The following LOC400499 variants were observed in gnomAD, a reference collection of about 807,000 sequenced individuals.
At chr16:11,498,477 G>A in the LOC400499 span, among the ~76,000 whole-genome samples, 5 of 148,638 alleles carry the variant, frequency 3.4e-5, no homozygotes, top group African/African-American at 5.0e-5. Flanking sequence ...GCGAGACTCC[G>A]TCTCAAAAAA....
the LOC400499 span, among the ~76,000 whole-genome samples, chr16:11,503,983 T>C: frequency 1.3e-5 from 2 of 152,314 alleles, no homozygotes; most frequent in South Asian, 4.1e-4. Context: ...GTGGCTGCCT[T>C]TCCCCAGCTG....
At chr16:11,428,099 G>A in the LOC400499 span, among the ~76,000 whole-genome samples, 4 of 152,292 alleles carry the variant, frequency 2.6e-5, no homozygotes, top group Non-Finnish European at 5.9e-5. Flanking sequence ...CCCTGAGGGC[G>A]GCTGGTTGCC....
At chr16:11,399,475 G>A in the LOC400499 span, 4 of 399,098 alleles carry the variant, frequency 1.0e-5, no homozygotes, top group South Asian at 1.3e-4. Context: ...ACCTCACCTC[G>A]TAGGTCAAGT....
chr16:11,461,391 T>C, the LOC400499 span, among the ~76,000 whole-genome samples: 1 of 152,162 alleles, frequency 6.6e-6, no homozygotes, highest in Non-Finnish European at 1.5e-5. Context: ...GGCTAATTTT[T>C]GTATTTTTTG....
chr16:11,412,804 C>T, the LOC400499 span: 1 of 398,890 alleles, frequency 2.5e-6, no homozygotes, highest in Non-Finnish European at 4.4e-6. Context: ...TCAATGGTTC[C>T]TCCCCCGACT....
chr16:11,411,497 AC>A, the LOC400499 span, among the ~76,000 whole-genome samples: 1 of 152,194 alleles, frequency 6.6e-6, no homozygotes, highest in Non-Finnish European at 1.5e-5. Flanking sequence ...CAAGGGCCAT[AC>A]GGTGCCCTGG....
At chr16:11,491,565 C>T in the LOC400499 span, 3 of 389,568 alleles carry the variant, frequency 7.7e-6, no homozygotes, top group East Asian at 3.6e-5. Context: ...GGTAGAGAAA[C>T]AGGGGAACAA....
At chr16:11,465,195 C>T in the LOC400499 span, 68 of 152,440 alleles carry the variant, frequency 4.5e-4, no homozygotes, top group African/African-American at 1.5e-3. Flanking sequence ...GGCATGATCT[C>T]GACTCACTGG....
At chr16:11,452,788 C>T in the LOC400499 span, among the ~76,000 whole-genome samples, 2 of 152,196 alleles carry the variant, frequency 1.3e-5, no homozygotes, top group Non-Finnish European at 2.9e-5. Flanking sequence ...CTTCTCCATG[C>T]CCTTCTGTGT....
chr16:11,507,964 C>A, the LOC400499 span, among the ~76,000 whole-genome samples: 1 of 152,004 alleles, frequency 6.6e-6, no homozygotes, highest in Non-Finnish European at 1.5e-5. Flanking sequence ...TGAATGGAAG[C>A]CCCCAAAAAG....
the LOC400499 span, among the ~76,000 whole-genome samples, chr16:11,381,474 G>A: frequency 1.3e-5 from 2 of 152,148 alleles, no homozygotes; most frequent in African/African-American, 4.8e-5. Context: ...CTGATAGATG[G>A]TTTGTAAACA....
the LOC400499 span, among the ~76,000 whole-genome samples, chr16:11,397,936 G>A: frequency 3.3e-5 from 5 of 152,122 alleles, no homozygotes; most frequent in African/African-American, 1.2e-4. Context: ...GTAAAGGAAT[G>A]GATGGATGGG....
the LOC400499 span, among the ~76,000 whole-genome samples, chr16:11,507,094 T>C: frequency 6.7e-5 from 10 of 149,330 alleles, no homozygotes; most frequent in South Asian, 1.1e-3. Flanking sequence ...GCCCTTGCCC[T>C]GAGCCACCCC....
At chr16:11,415,484 A>T in the LOC400499 span, among the ~76,000 whole-genome samples, 1 of 152,200 alleles carries the variant, frequency 6.6e-6, no homozygotes, top group Non-Finnish European at 1.5e-5. Flanking sequence ...CAGCGTCCAG[A>T]GTGAATGGGG....
the LOC400499 span, among the ~76,000 whole-genome samples, chr16:11,408,152 T>C: frequency 6.6e-6 from 1 of 151,682 alleles, no homozygotes; most frequent in South Asian, 2.1e-4. Context: ...CCAACTAATT[T>C]TTGTATTTTT....
the LOC400499 span, among the ~76,000 whole-genome samples, chr16:11,415,370 G>C: frequency 6.6e-6 from 1 of 152,174 alleles, no homozygotes; most frequent in Admixed American, 6.5e-5. Flanking sequence ...CACTCAGCCA[G>C]GCTCCAGCAC....
chr16:11,491,974 G>A, the LOC400499 span: 2 of 394,372 alleles, frequency 5.1e-6, no homozygotes, highest in Non-Finnish European at 4.5e-6. Context: ...ACTGCGGGAG[G>A]CTTCCCCGAC....
the LOC400499 span, chr16:11,460,670 T>A: frequency 6.8e-7 from 1 of 1,470,644 alleles, no homozygotes; most frequent in South Asian, 1.3e-5. Flanking sequence ...CCACCAGGGC[T>A]CCAAGAGAAG....
chr16:11,438,693 G>A, the LOC400499 span, among the ~76,000 whole-genome samples: 1 of 151,876 alleles, frequency 6.6e-6, no homozygotes, highest in Non-Finnish European at 1.5e-5. Context: ...GGAGGCTGAG[G>A]TGGGAGGACC....
Sources: gnomAD v4.1 joint callset for allele counts (sites outside exome capture counted in the v4.1 genomes callset) on GRCh38, gnomAD v4.1.1 for gene constraint, MANE v1.5 for transcripts.